CAPN13: variants seen among roughly 807,000 people sequenced by gnomAD.
CAPN13 encodes calpain-13.
In CAPN13, 90 loss-of-function variants were observed where a neutral mutation model predicts 98.4. That is an observed-to-expected ratio of 0.92 (90% CI 0.77 to 1.09). CAPN13 has a LOEUF of 1.09. Among genes scored for constraint, CAPN13 ranks in the 50% least tolerant of loss-of-function variants. CAPN13 has a pLI of 0.00. For synonymous variants in CAPN13, 330 were observed against 305.5 expected, an observed-to-expected ratio of 1.08 and a Z score of -0.84; for missense variants, 887 against 841.3, an observed-to-expected ratio of 1.05 and a Z score of -0.67.
chr2:30,760,674 G>T (rs1672805468), intron 7 of CAPN13, among the ~76,000 whole-genome samples: 3 of 152,242 alleles, frequency 2.0e-5, no homozygotes, highest in Admixed American at 2.0e-4. Flanking sequence ...GTGGTTCAGA[G>T]TTAGAACTGC....
chr2:30,787,285 A>G lies in CAPN13; in HGVS notation c.41T>C (p.Ile14Thr). Reference protein sequence around the residue: ...YQEPSVETSIIKFKDQDFTTL... With the variant: ...YQEPSVETSITKFKDQDFTTL... ...GGTAAAGTCCTGGTCTTTGAACTTGATGATGGAGGTCTCCACTGAAGGCTC... is the reference window on the plus strand; with the variant it reads ...GGTAAAGTCCTGGTCTTTGAACTTGGTGATGGAGGTCTCCACTGAAGGCTC... Residue 14 changes from isoleucine to threonine, a missense_variant, in exon 2 of 23, where the codon ATC (isoleucine) becomes ACC (threonine). Transcript: ENST00000295055. 1 of 1,613,424 alleles carries G rather than the reference A, an allele frequency of 6.2e-7. No homozygotes were observed. The highest frequency in any genetic ancestry group is 1.1e-5 in the South Asian group (1 of 90,762).
chr2:30,800,114 A>AG (rs1675121294), intron 1 of CAPN13, among the ~76,000 whole-genome samples: 5 of 133,340 alleles, frequency 3.7e-5, no homozygotes, highest in African/African-American at 8.9e-5. Context: ...AAGAAAAGAA[A>AG]GAAAAGAAAG....
rs57880021 is a variant in CAPN13, at chr2:30,745,894, A to ATTTT, written c.1237-164_1237-161dup. ...TTTTATATCTGTTATGCCATAAAGC[A>ATTTT]TTTTTTTTTTTTTTTTTTTTTTTTG... is the stretch of plus-strand genomic sequence containing the variant. On this transcript the variant is annotated intron_variant, in intron 11 of 22. Coordinates refer to ENST00000295055, the MANE Select transcript of CAPN13 (RefSeq NM_144575.3). 5.7e-3 allele frequency among the ~76,000 whole-genome samples: 530 copies of ATTTT among 92,748 alleles called. 14 individuals carry two copies. Among genetic ancestry groups the ATTTT allele is most frequent in the Non-Finnish European group, 6.5e-3 (322 of 49,728 alleles). 60.8% of individuals were successfully genotyped at this position (92,748 alleles called of 152,430 possible). A position where few individuals can be genotyped will look rare whatever the true frequency, so the allele number is the denominator to read the frequency against.
chr2:30,739,621 C>A (rs1019567376), intron 15 of CAPN13, among the ~76,000 whole-genome samples: 1 of 152,166 alleles, frequency 6.6e-6, no homozygotes, highest in Non-Finnish European at 1.5e-5. Flanking sequence ...CAGGACACCT[C>A]GCTTTGAACA....
In CAPN13 at chr2:30,765,612, T is replaced by C. The variant is rs13425977; in HGVS notation, c.525-1306A>G. 9.7e-3 allele frequency among the ~76,000 whole-genome samples: 1,484 copies of C among 152,316 alleles called. 27 individuals carry two copies. The highest frequency in any genetic ancestry group is 0.033 in the African/African-American group (1,368 of 41,564). ...TTCATCTGGAAGCTGCAGGGTGGAC[T>C]GGATCAGTCCTCAACACTCCTTTCT... On this transcript the variant is annotated intron_variant, in intron 5 of 22. Coordinates refer to ENST00000295055, the MANE Select transcript of CAPN13 (RefSeq NM_144575.3).
At chr2:30,741,359 A>G in intron 15 of CAPN13, 4 of 983,562 alleles carry the variant, frequency 4.1e-6, no homozygotes, top group Non-Finnish European at 4.8e-6. Context: ...TCCACTTTCC[A>G]CACTAACACA....
chr2:30,754,202 C>T, intron 9 of CAPN13, 88 bp downstream of exon 9: 3 of 1,065,154 alleles, frequency 2.8e-6, no homozygotes, highest in Admixed American at 6.8e-5. Flanking sequence ...CTATTTTCCA[C>T]CTTCGTAAAT....
chr2:30,770,559 A>T, intron 4 of CAPN13, 110 bp from the exon 5 acceptor site: 1 of 1,313,104 alleles, frequency 7.6e-7, no homozygotes, highest in Non-Finnish European at 1.0e-6. Flanking sequence ...GCAATAATGA[A>T]CTCTATTCCG....
At chr2:30,776,941 G>A (rs138775828) in intron 3 of CAPN13, among the ~76,000 whole-genome samples, 303 of 152,336 alleles carry the variant, frequency 2.0e-3, no homozygotes, top group African/African-American at 6.8e-3. Flanking sequence ...TTCACCAGGC[G>A]AAGTTCAAGT....
rs1447821317 is a variant in CAPN13, at chr2:30,723,011, C to G, written c.*256G>C. The G allele has an allele frequency of 6.6e-6, 1 of 152,238 alleles. No homozygotes were observed. The highest frequency in any genetic ancestry group is 1.5e-5 in the Non-Finnish European group (1 of 68,076). 9.4% of individuals were successfully genotyped at this position (152,238 alleles called of 1,614,324 possible). A position where few individuals can be genotyped will look rare whatever the true frequency, so the allele number is the denominator to read the frequency against. ...AGGGAGACATCTCCTGCTTCCTTTT[C>G]CAGGGCAACGTAGGCTGAATACATC... On this transcript the variant is annotated 3_prime_UTR_variant, in exon 23 of 23. Coordinates refer to ENST00000295055, the MANE Select transcript of CAPN13 (RefSeq NM_144575.3).
intron 16 of CAPN13, 48 bp from the exon 17 acceptor site, chr2:30,738,341 G>A (rs974907057): frequency 6.2e-7 from 1 of 1,612,974 alleles, no homozygotes; most frequent in East Asian, 2.2e-5. Flanking sequence ...AGTGGGGTGT[G>A]GGGTGGGGTT....
intron 7 of CAPN13, among the ~76,000 whole-genome samples, chr2:30,758,796 C>CTTCCTCCCTCCCTCCCT (rs1176098148): frequency 1.2e-5 from 1 of 80,060 alleles, no homozygotes; most frequent in East Asian, 4.6e-4. Context: ...CTTTCCTTTC[C>CTTCCTCCCTCCCTCCCT]TTCCTCCCTC....
At chr2:30,762,556 T>A (rs13415062) in intron 7 of CAPN13, among the ~76,000 whole-genome samples, 1,561 of 152,196 alleles carry the variant, frequency 0.01, 31 homozygotes, top group African/African-American at 0.035. Flanking sequence ...GGCTGGGAGA[T>A]GAGGGATCAG....
chr2:30,748,729 T>C (rs1017495235), intron 11 of CAPN13, among the ~76,000 whole-genome samples: 1 of 152,132 alleles, frequency 6.6e-6, no homozygotes. Flanking sequence ...GGTGTTCAGG[T>C]ACCAGGTGTG....
rs1672154132 is a variant in CAPN13 at position 30,751,127 on chromosome 2, A to G, written c.1212T>C (p.Phe404=). 1 of 1,613,726 alleles carries G rather than the reference A, an allele frequency of 6.2e-7. No homozygotes were observed. Among genetic ancestry groups the G allele is most frequent in the South Asian group, 1.1e-5 (1 of 91,054 alleles). The part of the protein sequence containing the change: ...PSNLKAEDAK[F]PLDFQVILAG... ...CCAGAATCACTTGGAAATCGAGTGG[A>G]AATTTTGCATCTTCTGCTTTCAAAT... Residue 404 remains phenylalanine, a synonymous_variant, in exon 11 of 23, where the codon TTT becomes TTC. Transcript: ENST00000295055.
intron 14 of CAPN13, 49 bp from the exon 15 acceptor site, chr2:30,742,013 C>T (rs756434958): frequency 6.5e-7 from 1 of 1,548,174 alleles, no homozygotes; most frequent in Non-Finnish European, 8.9e-7. Flanking sequence ...GGAAGGAGGC[C>T]ACCCATCTGG....
intron 5 of CAPN13, among the ~76,000 whole-genome samples, chr2:30,768,785 G>A (rs548090080): frequency 1.1e-4 from 16 of 151,362 alleles, no homozygotes; most frequent in East Asian, 1.9e-4. Flanking sequence ...GTTTGTATGC[G>A]TTCTTGTGAA....
chr2:30,782,192 T>A (rs1369839032), intron 2 of CAPN13, among the ~76,000 whole-genome samples: 4 of 152,158 alleles, frequency 2.6e-5, no homozygotes, highest in African/African-American at 9.7e-5. Flanking sequence ...AGAAATAATG[T>A]CTTCCATGTG....
chr2:30,749,288 G>T (rs1200892019), intron 11 of CAPN13, among the ~76,000 whole-genome samples: 1 of 152,180 alleles, frequency 6.6e-6, no homozygotes, highest in African/African-American at 2.4e-5. Flanking sequence ...TTGGACTAGA[G>T]ATGCTGAATC....
Sources: gnomAD v4.1 joint callset for allele counts (sites outside exome capture counted in the v4.1 genomes callset) on GRCh38, gnomAD v4.1.1 for gene constraint, MANE v1.5 for transcripts, NCBI Gene and HGNC (gene_info 2026-07-23, HGNC 2026-07-21) for gene names.